The following NAP1L4 variants were observed in gnomAD, a reference collection of about 807,000 sequenced individuals.
NAP1L4 encodes nucleosome assembly protein 1-like 4.
In NAP1L4, 15 loss-of-function variants were observed where a neutral mutation model predicts 58.2. The ratio of observed to expected loss-of-function variants is 0.26; its 90% confidence interval spans 0.17 to 0.40. NAP1L4 has a LOEUF of 0.40. Among genes scored for constraint, NAP1L4 ranks in the 10% least tolerant of loss-of-function variants. The probability of loss-of-function intolerance (pLI) is 1.00; values close to 1 mark genes in which losing one functional copy is unlikely to be tolerated. For synonymous variants in NAP1L4, 171 were observed against 155.6 expected (o/e 1.10, Z -0.74); for missense variants, 384 against 451.1 (o/e 0.85, Z 1.35).
intron 3 of NAP1L4, among the ~76,000 whole-genome samples, chr11:2,977,775 T>C (rs1015807821): frequency 6.6e-6 from 1 of 151,646 alleles, no homozygotes; most frequent in African/African-American, 2.4e-5. Flanking sequence ...TTTTTTTTAA[T>C]GGTGGAAAAA....
At chr11:2,970,798 T>C (rs1847592602) in intron 6 of NAP1L4, among the ~76,000 whole-genome samples, 1 of 151,902 alleles carries the variant, frequency 6.6e-6, no homozygotes, top group South Asian at 2.1e-4. Context: ...AGGTTCTATA[T>C]ATTTTTAAAG....
In NAP1L4 at chr11:2,971,125, T is replaced by C. The variant is rs570456424; in HGVS notation, c.402+323A>G. Among the ~76,000 whole-genome samples the C allele has an allele frequency of 5.3e-4, 80 of 152,314 alleles. No individual in the cohort carries two copies. The highest frequency in any genetic ancestry group is 1.8e-3 in the African/African-American group (73 of 41,584). On this transcript the variant is annotated intron_variant, in intron 6 of 15. Coordinates refer to ENST00000380542, the MANE Select transcript of NAP1L4 (RefSeq NM_005969.4). The surrounding 1 kb of genome is among the most constrained non-coding windows in gnomAD (Gnocchi z 4.2). ...GGCACTCCCCTCACAACTCCCCCAA[T>C]CTTCCAGTGACTGAGAACACAGGGG... is the stretch of plus-strand genomic sequence containing the variant.
intron 1 of NAP1L4, chr11:2,987,930 A>C (rs961319661): frequency 3.3e-5 from 5 of 152,084 alleles, no homozygotes; most frequent in African/African-American, 1.2e-4. Flanking sequence ...CTGCTACCAA[A>C]TGACAACTTG....
intron 7 of NAP1L4, among the ~76,000 whole-genome samples, chr11:2,966,989 C>T (rs931498069): frequency 4.6e-5 from 7 of 152,222 alleles, no homozygotes; most frequent in African/African-American, 7.2e-5. Context: ...CTGGAGGCAT[C>T]GCACTCAGAT....
At chr11:2,958,326 G>A (rs746213069) in intron 10 of NAP1L4, 73 bp downstream of exon 10, 2 of 1,473,996 alleles carry the variant, frequency 1.4e-6, no homozygotes. Context: ...GTCTCTGGGT[G>A]TTAGGAATCT....
chr11:2,971,606 A>G lies in NAP1L4; in HGVS notation c.316-72T>C. The stretch of plus-strand genomic sequence containing the variant: ...AGGAACTCAAGAGTTAAATTTATAA[A>G]TAATGTCTACTAAAAGACTTTGAAA... On this transcript the variant is annotated intron_variant, in intron 5 of 15. Coordinates refer to ENST00000380542, the MANE Select transcript of NAP1L4 (RefSeq NM_005969.4). This position sits in a 1 kb window ranked among gnomAD's most constrained non-coding sequence, Gnocchi z 4.2. 1 of 1,215,324 alleles carries G rather than the reference A, an allele frequency of 8.2e-7. No individual in the cohort carries two copies. The highest frequency in any genetic ancestry group is 1.2e-6 in the Non-Finnish European group (1 of 851,596). 75.3% of individuals were successfully genotyped at this position (1,215,324 alleles called of 1,614,324 possible). A position where few individuals can be genotyped will look rare whatever the true frequency, so the allele number is the denominator to read the frequency against.
chr11:2,992,253 C>T lies in NAP1L4; in HGVS notation c.-18+1G>A, dbSNP rs1849022681. On this transcript the variant is annotated splice_donor_variant, in intron 1 of 15. Coordinates refer to ENST00000380542, the MANE Select transcript of NAP1L4 (RefSeq NM_005969.4). LOFTEE classifies it low-confidence loss of function (5UTR_SPLICE). ...CCGGCCCAGCACCCGTGTCTCCGCA[C>T]CTCACGCCTCCTGCGGCAGTGGCGG... 1 of 152,418 alleles carries T rather than the reference C, an allele frequency of 6.6e-6. No homozygotes were observed. The highest frequency in any genetic ancestry group is 1.5e-5 in the Non-Finnish European group (1 of 68,014). The allele number at this position is 152,418 out of a possible 1,614,324, so 9.4% of individuals were successfully genotyped here. A position where few individuals can be genotyped will look rare whatever the true frequency, so the allele number is the denominator to read the frequency against.
chr11:2,985,130 G>A (rs1340689195), intron 1 of NAP1L4, among the ~76,000 whole-genome samples: 1 of 152,134 alleles, frequency 6.6e-6, no homozygotes, highest in African/African-American at 2.4e-5. Context: ...GATCCATCAC[G>A]TGAAGTCAGG....
chr11:2,980,477 C>G (rs7107830), intron 1 of NAP1L4, among the ~76,000 whole-genome samples: 1 of 152,068 alleles, frequency 6.6e-6, no homozygotes, highest in African/African-American at 2.4e-5. Context: ...TGAGTCAACA[C>G]GCCTGGCCTA....
intron 10 of NAP1L4, among the ~76,000 whole-genome samples, chr11:2,957,535 C>G (rs1049332851): frequency 2.0e-5 from 3 of 152,222 alleles, no homozygotes; most frequent in African/African-American, 7.2e-5. Flanking sequence ...CAGGGGCTGG[C>G]ATCTCTTCAC....
intron 1 of NAP1L4, among the ~76,000 whole-genome samples, chr11:2,983,150 G>A (rs895219581): frequency 6.6e-6 from 1 of 152,188 alleles, no homozygotes; most frequent in African/African-American, 2.4e-5. Context: ...AATGGAGTGT[G>A]ACAATACTCC....
chr11:2,951,362 CTT>C lies in NAP1L4; in HGVS notation c.1066-49_1066-48del. The C allele has an allele frequency of 6.5e-7, 1 of 1,540,260 alleles. No individual in the cohort carries two copies. Among genetic ancestry groups the C allele is most frequent in the Non-Finnish European group, 9.0e-7 (1 of 1,113,608 alleles). On this transcript the variant is annotated intron_variant, in intron 13 of 15. Transcript: ENST00000380542. The surrounding 1 kb of genome is among the most constrained non-coding windows in gnomAD (Gnocchi z 4.0). ...TAGCTGGAATGACAAGATTTAAACT[CTT>C]GTGGCATTCACAATCCACAAACACA...
Position 2,971,957 on chromosome 11 carries a change from G to T in NAP1L4, c.315+145C>A. 1 of 787,188 alleles carries T rather than the reference G, an allele frequency of 1.3e-6. No individual in the cohort carries two copies. Among genetic ancestry groups the T allele is most frequent in the Non-Finnish European group, 1.9e-6 (1 of 532,076 alleles). 48.8% of individuals were successfully genotyped at this position (787,188 alleles called of 1,614,324 possible). A position where few individuals can be genotyped will look rare whatever the true frequency, so the allele number is the denominator to read the frequency against. On this transcript the variant is annotated intron_variant, in intron 5 of 15. Transcript: ENST00000380542. This position sits in a 1 kb window ranked among gnomAD's most constrained non-coding sequence, Gnocchi z 4.2. ...AGGCTAATGTTAGCGTTCTGAGCTT[G>T]TTTAAGGTAGTCTAGACTAAGCTAT...
intron 15 of NAP1L4, among the ~76,000 whole-genome samples, chr11:2,947,389 G>A (rs968639359): frequency 2.6e-5 from 4 of 152,212 alleles, no homozygotes; most frequent in South Asian, 2.1e-4. Context: ...TCATGACCCA[G>A]TGCCTTGCTG....
Position 2,971,429 on chromosome 11 carries a change from C to A in NAP1L4, c.402+19G>T. 1 of 1,606,624 alleles carries A rather than the reference C, an allele frequency of 6.2e-7. No homozygotes were observed. The highest frequency in any genetic ancestry group is 8.5e-7 in the Non-Finnish European group (1 of 1,174,486). Reference sequence around the variant, plus strand: ...CAGTATTAAAACAGAACATGAGTCACATGTTTCTAAAGACTTACAGCCAAT... The same window carrying A: ...CAGTATTAAAACAGAACATGAGTCAAATGTTTCTAAAGACTTACAGCCAAT... On this transcript the variant is annotated intron_variant, in intron 6 of 15. Coordinates refer to ENST00000380542, the MANE Select transcript of NAP1L4 (RefSeq NM_005969.4). The surrounding 1 kb of genome is among the most constrained non-coding windows in gnomAD (Gnocchi z 4.2).
rs955388744 is a variant in NAP1L4, at chr11:2,970,857, CCAA to C, written c.402+588_402+590del. 1.3e-4 allele frequency among the ~76,000 whole-genome samples: 14 copies of C among 111,666 alleles called. No homozygotes were observed. The South Asian group carries it at 1.7e-3, about 14-fold the overall frequency. The allele number at this position is 111,666 out of a possible 152,430, so 73.3% of individuals were successfully genotyped here. ...AAAATCATCATATACCACCCCCCCC[CCAA>C]AAAAAAAACTGCAAAAAGTTAGTTA... On this transcript the variant is annotated intron_variant, in intron 6 of 15. Transcript: ENST00000380542.
chr11:2,976,194 G>T (rs759448398), intron 3 of NAP1L4, 71 bp from the exon 4 acceptor site: 231 of 1,124,102 alleles, frequency 2.1e-4, no homozygotes, highest in Non-Finnish European at 2.9e-4. Context: ...TCAAAAATTA[G>T]TAACATATCT....
At chr11:2,957,704 A>C (rs1288670003) in intron 10 of NAP1L4, among the ~76,000 whole-genome samples, 1 of 152,220 alleles carries the variant, frequency 6.6e-6, no homozygotes, top group African/African-American at 2.4e-5. Flanking sequence ...ACTAGCTCAA[A>C]GGTCTCATCT....
Position 2,971,656 on chromosome 11 carries a change from TAA to T in NAP1L4, c.316-124_316-123del. The T allele has an allele frequency of 2.5e-6, 2 of 795,450 alleles. No homozygotes were observed. The highest frequency in any genetic ancestry group is 3.9e-6 in the Non-Finnish European group (2 of 517,286). 49.3% of individuals were successfully genotyped at this position (795,450 alleles called of 1,614,324 possible). A position where few individuals can be genotyped will look rare whatever the true frequency, so the allele number is the denominator to read the frequency against. On this transcript the variant is annotated intron_variant, in intron 5 of 15. Transcript: ENST00000380542. This position sits in a 1 kb window ranked among gnomAD's most constrained non-coding sequence, Gnocchi z 4.2. ...AACTGGATATTTTTATAACTTATTT[TAA>T]GATTCTAAATTTTAGGGTTCAAAGA...
Sources: gnomAD v4.1 joint callset for allele counts (sites outside exome capture counted in the v4.1 genomes callset) on GRCh38, gnomAD v4.1.1 for gene constraint, Gnocchi (gnomAD v3.1) non-coding constraint, MANE v1.5 for transcripts, NCBI Gene and HGNC (gene_info 2026-07-23, HGNC 2026-07-21) for gene names.